The following POFUT3 variants were observed in gnomAD, a reference collection of about 807,000 sequenced individuals.
POFUT3 encodes protein O-fucosyltransferase 3, also known as GDP-fucose protein O-fucosyltransferase 3.
At chr8:33,334,047 C>T in the POFUT3 span, among the ~76,000 whole-genome samples, 1 of 152,108 alleles carries the variant, frequency 6.6e-6, no homozygotes, top group Non-Finnish European at 1.5e-5. Flanking sequence ...TCTTGGGAAG[C>T]GTCACTTCCT....
At chr8:33,432,643 C>T in the POFUT3 span, among the ~76,000 whole-genome samples, 6 of 152,116 alleles carry the variant, frequency 3.9e-5, no homozygotes, top group Non-Finnish European at 8.8e-5. Context: ...CAAATCAATG[C>T]TCTTTCCACA....
chr8:33,430,328 G>C, the POFUT3 span, among the ~76,000 whole-genome samples: 1 of 152,108 alleles, frequency 6.6e-6, no homozygotes, highest in South Asian at 2.1e-4. Flanking sequence ...ACTTAACCAG[G>C]GAGTGCTAGG....
At chr8:33,444,704 G>C in the POFUT3 span, among the ~76,000 whole-genome samples, 2 of 151,902 alleles carry the variant, frequency 1.3e-5, no homozygotes, top group African/African-American at 4.8e-5. Context: ...TGTAATCCCA[G>C]CTACTCAGGA....
At chr8:33,347,107 C>A in the POFUT3 span, among the ~76,000 whole-genome samples, 1 of 152,120 alleles carries the variant, frequency 6.6e-6, no homozygotes, top group Non-Finnish European at 1.5e-5. Context: ...CCTTCTCCTG[C>A]GCCTGTCACC....
At chr8:33,313,807 T>A in the POFUT3 span, among the ~76,000 whole-genome samples, 6 of 152,334 alleles carry the variant, frequency 3.9e-5, no homozygotes, top group African/African-American at 1.4e-4. Context: ...TCTCTTCTTT[T>A]TTTAATCACA....
the POFUT3 span, among the ~76,000 whole-genome samples, chr8:33,351,550 A>T: frequency 2.0e-5 from 3 of 152,070 alleles, no homozygotes; most frequent in African/African-American, 7.2e-5. Context: ...TTGCCATGTG[A>T]TCTCCACATG....
At chr8:33,472,117 A>C in the POFUT3 span, among the ~76,000 whole-genome samples, 1 of 152,212 alleles carries the variant, frequency 6.6e-6, no homozygotes, top group Non-Finnish European at 1.5e-5. Context: ...TGGGTGTCTC[A>C]TTGGAAAGAA....
the POFUT3 span, among the ~76,000 whole-genome samples, chr8:33,417,400 C>T: frequency 1.3e-5 from 2 of 152,064 alleles, no homozygotes; most frequent in African/African-American, 4.8e-5. Flanking sequence ...AACCATCTTC[C>T]CCTCCCCGCC....
the POFUT3 span, among the ~76,000 whole-genome samples, chr8:33,346,040 G>A: frequency 6.6e-6 from 1 of 151,532 alleles, no homozygotes; most frequent in Non-Finnish European, 1.5e-5. Context: ...GGTCAGGCTG[G>A]TCTTGAACGC....
chr8:33,452,539 A>G, the POFUT3 span: 1 of 150,128 alleles, frequency 6.7e-6, no homozygotes, highest in East Asian at 1.9e-4. Flanking sequence ...TGCCAAACCA[A>G]TATCTAAAGT....
chr8:33,428,101 C>T, the POFUT3 span, among the ~76,000 whole-genome samples: 5 of 152,042 alleles, frequency 3.3e-5, no homozygotes, highest in African/African-American at 7.2e-5. Flanking sequence ...TCCAGCCTGG[C>T]GACAGAGCGA....
chr8:33,468,577 C>T, the POFUT3 span, among the ~76,000 whole-genome samples: 1 of 152,192 alleles, frequency 6.6e-6, no homozygotes, highest in Admixed American at 6.5e-5. Flanking sequence ...ACTGTCCTGG[C>T]GAAGACATGT....
the POFUT3 span, among the ~76,000 whole-genome samples, chr8:33,337,969 A>T: frequency 6.6e-6 from 1 of 152,088 alleles, no homozygotes; most frequent in East Asian, 1.9e-4. Flanking sequence ...GTCTTTTTTG[A>T]TGAGGAAGGA....
the POFUT3 span, among the ~76,000 whole-genome samples, chr8:33,383,946 GA>G: frequency 0.043 from 5,901 of 136,668 alleles, 363 homozygotes; most frequent in African/African-American, 0.14. Context: ...TCTGACCCCT[GA>G]AAAAAAAAAA....
the POFUT3 span, among the ~76,000 whole-genome samples, chr8:33,446,756 T>C: frequency 1.2e-4 from 19 of 152,280 alleles, no homozygotes; most frequent in Admixed American, 8.5e-4. Flanking sequence ...GGTTTTTTAT[T>C]ATAAGCATGA....
chr8:33,320,577 G>A, the POFUT3 span, among the ~76,000 whole-genome samples: 1 of 152,074 alleles, frequency 6.6e-6, no homozygotes, highest in Non-Finnish European at 1.5e-5. Context: ...GGTTACTTCA[G>A]CCAAGCTAGG....
At chr8:33,343,813 T>G in the POFUT3 span, among the ~76,000 whole-genome samples, 7 of 152,256 alleles carry the variant, frequency 4.6e-5, no homozygotes, top group Non-Finnish European at 7.3e-5. Context: ...CTCACACACG[T>G]CTTCTTGAAA....
the POFUT3 span, among the ~76,000 whole-genome samples, chr8:33,410,075 A>T: frequency 4.6e-5 from 7 of 152,128 alleles, no homozygotes; most frequent in Non-Finnish European, 1.0e-4. Context: ...TCTAATAAAG[A>T]TGTGTGAAGT....
chr8:33,367,951 T>G, the POFUT3 span, among the ~76,000 whole-genome samples: 1 of 152,200 alleles, frequency 6.6e-6, no homozygotes, highest in African/African-American at 2.4e-5. Context: ...TTGGGCTAGT[T>G]GAATCATCTT....
Sources: gnomAD v4.1 joint callset for allele counts (sites outside exome capture counted in the v4.1 genomes callset) on GRCh38, gnomAD v4.1.1 for gene constraint, MANE v1.5 for transcripts, NCBI Gene and HGNC (gene_info 2026-07-23, HGNC 2026-07-21) for gene names.